Variants in SYNPO2 observed in about 807,000 individuals in gnomAD.
SYNPO2 encodes the protein synaptopodin 2.
A neutral mutation model predicts 85.0 loss-of-function variants in SYNPO2; 56 were observed. The observed-to-expected ratio is 0.66, with a 90% CI of 0.53 to 0.82. The LOEUF (loss-of-function observed/expected upper bound fraction) is 0.82, where lower values mean the gene tolerates loss of function less well. Ranked by LOEUF, SYNPO2 falls within the 40% of genes least tolerant of loss-of-function variation. The probability of loss-of-function intolerance (pLI) is 0.00; values close to 1 mark genes in which losing one functional copy is unlikely to be tolerated. For missense variants in SYNPO2, 1,575 were observed against 1,534.2 expected (o/e 1.03, Z -0.44); for synonymous variants, 602 against 591.1 (o/e 1.02, Z -0.27).
At chr4:118,866,739 T>C (rs1731705012) in intron 1 of SYNPO2, among the ~76,000 whole-genome samples, 1 of 152,134 alleles carries the variant, frequency 6.6e-6, no homozygotes, top group Admixed American at 6.5e-5. Context: ...CACTTCCCCC[T>C]TCACTCTTTC....
chr4:118,888,133 G>A (rs1732240089), upstream of SYNPO2, among the ~76,000 whole-genome samples: 3 of 152,110 alleles, frequency 2.0e-5, no homozygotes, highest in South Asian at 4.1e-4. Context: ...TTGACTAACT[G>A]TTGGGTTTGG....
chr4:118,991,390 C>T (rs1736411318), intron 1 of SYNPO2, among the ~76,000 whole-genome samples: 1 of 151,674 alleles, frequency 6.6e-6, no homozygotes, highest in African/African-American at 2.4e-5. Flanking sequence ...TCAGGTGATC[C>T]ACCCGCCTCA....
rs907111906 is a variant in SYNPO2, at chr4:119,060,983, A to C, written c.*3049A>C. 1.3e-5 allele frequency: 2 copies of C among 152,164 alleles called. No individual in the cohort carries two copies. The highest frequency in any genetic ancestry group is 4.8e-5 in the African/African-American group (2 of 41,456). The allele number at this position is 152,164 out of a possible 1,614,324, so 9.4% of individuals were successfully genotyped here. On this transcript the variant is annotated 3_prime_UTR_variant, in exon 5 of 5. Coordinates refer to ENST00000307142, the MANE Select transcript of SYNPO2 (RefSeq NM_133477.3). ...TCAAGTATGTATATGCAAAAAAAAA[A>C]AGTTATATCAAACAGGCACAGTTAT...
At chr4:119,034,655 T>G (rs539528386) in intron 4 of SYNPO2, 89 of 985,396 alleles carry the variant, frequency 9.0e-5, no homozygotes, top group Middle Eastern at 5.2e-4. Flanking sequence ...CAAAACAATA[T>G]CCACAACAAA....
intron 1 of SYNPO2, among the ~76,000 whole-genome samples, chr4:118,974,739 C>T (rs1735659212): frequency 6.6e-6 from 1 of 152,198 alleles, no homozygotes; most frequent in Non-Finnish European, 1.5e-5. Context: ...ATTATTAGGA[C>T]TTTAGATTCA....
At chr4:119,020,655 T>C (rs1253654911) in intron 1 of SYNPO2, among the ~76,000 whole-genome samples, 2 of 152,290 alleles carry the variant, frequency 1.3e-5, no homozygotes, top group East Asian at 3.9e-4. Flanking sequence ...CAAAGGATGA[T>C]GTTCTGTTCG....
At chr4:119,028,509 A>G (rs1174325766) in intron 3 of SYNPO2, among the ~76,000 whole-genome samples, 3 of 152,230 alleles carry the variant, frequency 2.0e-5, no homozygotes, top group Admixed American at 6.5e-5. Flanking sequence ...CACCATTCAC[A>G]TACTTTACAT....
At chr4:118,852,856 C>A (rs958312113) in intron 1 of SYNPO2, among the ~76,000 whole-genome samples, 1 of 152,110 alleles carries the variant, frequency 6.6e-6, no homozygotes, top group Non-Finnish European at 1.5e-5. Context: ...CACAAGTACC[C>A]CTGAACTTAA....
chr4:118,992,569 A>T (rs533439835), intron 1 of SYNPO2, among the ~76,000 whole-genome samples: 17 of 152,152 alleles, frequency 1.1e-4, no homozygotes, highest in African/African-American at 3.6e-4. Flanking sequence ...AATAGTTTTG[A>T]CCCCAAAGAC....
intron 1 of SYNPO2, among the ~76,000 whole-genome samples, chr4:118,905,409 A>C (rs1218294741): frequency 6.6e-6 from 1 of 151,468 alleles, no homozygotes; most frequent in South Asian, 2.1e-4. Context: ...TTACCTGCAG[A>C]AGAAACAGAA....
Position 119,060,499 on chromosome 4 carries a change from T to C in SYNPO2, c.*2565T>C, listed in dbSNP as rs1017966301. On this transcript the variant is annotated 3_prime_UTR_variant, in exon 5 of 5. Coordinates refer to ENST00000307142, the MANE Select transcript of SYNPO2 (RefSeq NM_133477.3). Reference sequence around the variant, plus strand: ...ATGAATAAAGTTAGATTGCTCACATTGAAGCTAATGGTTGAGACAAGACAC... The same window carrying C: ...ATGAATAAAGTTAGATTGCTCACATCGAAGCTAATGGTTGAGACAAGACAC... 7 of 152,180 alleles carry C rather than the reference T, an allele frequency of 4.6e-5. No homozygotes were observed. Among genetic ancestry groups the C allele is most frequent in the African/African-American group, 9.7e-5 (4 of 41,446 alleles). The allele number at this position is 152,180 out of a possible 1,614,324, so 9.4% of individuals were successfully genotyped here.
At chr4:119,016,693 A>G (rs1464464932) in intron 1 of SYNPO2, among the ~76,000 whole-genome samples, 2 of 152,220 alleles carry the variant, frequency 1.3e-5, no homozygotes, top group Admixed American at 6.5e-5. Flanking sequence ...CTGCTCTATC[A>G]GTGTTTGCCT....
chr4:118,997,843 C>G (rs1420456705), intron 1 of SYNPO2, among the ~76,000 whole-genome samples: 1 of 152,238 alleles, frequency 6.6e-6, no homozygotes, highest in Admixed American at 6.5e-5. Flanking sequence ...TTAGTCAGCT[C>G]TGTTCTGTGC....
chr4:119,009,779 C>G (rs1269552568), intron 1 of SYNPO2, among the ~76,000 whole-genome samples: 1 of 152,210 alleles, frequency 6.6e-6, no homozygotes, highest in Non-Finnish European at 1.5e-5. Context: ...TATTAACCAC[C>G]ATCTTATAAT....
chr4:119,056,809 G>A (rs1739220327), intron 4 of SYNPO2, among the ~76,000 whole-genome samples: 2 of 152,198 alleles, frequency 1.3e-5, no homozygotes, highest in Admixed American at 1.3e-4. Flanking sequence ...GGGCCAGGCA[G>A]TTAATCATAC....
rs1739319680 is a variant in SYNPO2 at position 119,059,079 on chromosome 4, ATT to A, written c.*1146_*1147del. ...TCATTTGTAGAATGCCCGCTGATGC[ATT>A]GTTTATTTTTTTTGCTCATAATATA... On this transcript the variant is annotated 3_prime_UTR_variant, in exon 5 of 5. Transcript: ENST00000307142. 1 of 152,276 alleles carries A rather than the reference ATT, an allele frequency of 6.6e-6. No homozygotes were observed. The highest frequency in any genetic ancestry group is 1.9e-4 in the East Asian group (1 of 5,182). The allele number at this position is 152,276 out of a possible 1,614,324, so 9.4% of individuals were successfully genotyped here. A position where few individuals can be genotyped will look rare whatever the true frequency, so the allele number is the denominator to read the frequency against.
At chr4:118,930,361 C>T (rs1733881766) in intron 1 of SYNPO2, among the ~76,000 whole-genome samples, 1 of 152,098 alleles carries the variant, frequency 6.6e-6, no homozygotes. Flanking sequence ...TTATCATCTC[C>T]TTCATTGCTT....
intron 1 of SYNPO2, among the ~76,000 whole-genome samples, chr4:118,900,890 T>C (rs1326157015): frequency 2.0e-5 from 3 of 151,724 alleles, no homozygotes; most frequent in Non-Finnish European, 4.4e-5. Context: ...AGACTTCATA[T>C]ACTTTTGAGA....
At chr4:119,042,957 T>C (rs1738759820) in intron 4 of SYNPO2, 2 of 152,376 alleles carry the variant, frequency 1.3e-5, no homozygotes, top group South Asian at 4.1e-4. Context: ...CTGGATATTA[T>C]AAATGATGGG....
Sources: allele counts gnomAD v4.1 joint callset (sites outside exome capture counted in the v4.1 genomes callset), GRCh38; gene constraint gnomAD v4.1.1; transcripts MANE v1.5; gene names NCBI Gene and HGNC (gene_info 2026-07-23, HGNC 2026-07-21).